Variants in PCDHGA1 observed in about 807,000 individuals in gnomAD.
PCDHGA1 encodes the protein protocadherin gamma-A1.
Under a neutral mutation model 58.0 loss-of-function variants are expected in PCDHGA1, and 32 were observed. That is an observed-to-expected ratio of 0.55 (90% CI 0.42 to 0.74). The LOEUF (loss-of-function observed/expected upper bound fraction) is 0.74. Ranked by LOEUF, PCDHGA1 falls within the 30% of genes least tolerant of loss-of-function variation. The probability of loss-of-function intolerance (pLI) is 0.00; values close to 1 mark genes in which losing one functional copy is unlikely to be tolerated. For synonymous variants in PCDHGA1, 498 were observed against 501.1 expected (o/e 0.99, Z 0.08); for missense variants, 1,205 against 1,182.3 (o/e 1.02, Z -0.28).
chr5:141,404,291 G>C, intron 1 of PCDHGA1: 1 of 1,613,956 alleles, frequency 6.2e-7, no homozygotes, highest in Non-Finnish European at 8.5e-7. Context: ...TGACATCAAT[G>C]ATAATCCACC....
chr5:141,374,683 G>A (rs757439486), intron 1 of PCDHGA1: 3 of 1,609,586 alleles, frequency 1.9e-6, no homozygotes, highest in South Asian at 2.2e-5. Flanking sequence ...AGGGCACACT[G>A]GACCGGGAAG....
intron 1 of PCDHGA1, chr5:141,392,725 A>G: frequency 7.1e-7 from 1 of 1,399,540 alleles, no homozygotes; most frequent in South Asian, 1.6e-5. Flanking sequence ...TTTCCGGAGG[A>G]TTGTCATCTC....
At chr5:141,353,477 C>T (rs1759289576) in intron 1 of PCDHGA1, among the ~76,000 whole-genome samples, 1 of 152,138 alleles carries the variant, frequency 6.6e-6, no homozygotes, top group African/African-American at 2.4e-5. Context: ...ATTATTAAGA[C>T]TCTTAACACT....
At chr5:141,408,401 C>T in intron 1 of PCDHGA1, 2 of 1,614,010 alleles carry the variant, frequency 1.2e-6, no homozygotes, top group Non-Finnish European at 8.5e-7. Context: ...TCGCAAGCTG[C>T]GAGTGAGCGC....
rs1437409726 is a variant in PCDHGA1, at chr5:141,471,036, C to T, written c.2422-23771C>T. Among the ~76,000 whole-genome samples the T allele has an allele frequency of 2.8e-5, 4 of 144,908 alleles. No homozygotes were observed. The South Asian group carries it at 6.5e-4, about 24-fold the overall frequency. ...CTGGTCAATCATTTTTATTAACAAG[C>T]CCAAGCCCTCTTTTTTTTTTTTTTT... On this transcript the variant is annotated intron_variant, in intron 1 of 3. Transcript: ENST00000517417.
At position 141,432,724 on chromosome 5, in the gene PCDHGA1, C is replaced by T. The variant is rs752394602; in HGVS notation, c.2422-62083C>T. ...AGGACCACGGCCAGCCCCCTCTCTCCGCCACTGTCACGCTCACCGTGGCCG... is the reference window on the plus strand; with the variant it reads ...AGGACCACGGCCAGCCCCCTCTCTCTGCCACTGTCACGCTCACCGTGGCCG... On this transcript the variant is annotated intron_variant, in intron 1 of 3. Coordinates refer to ENST00000517417, the MANE Select transcript of PCDHGA1 (RefSeq NM_018912.3). The surrounding 1 kb of genome is among the most constrained non-coding windows in gnomAD (Gnocchi z 6.0). The T allele has an allele frequency of 8.1e-6, 13 of 1,614,066 alleles. No individual in the cohort carries two copies. Among genetic ancestry groups the T allele is most frequent in the Middle Eastern group, 1.6e-4 (1 of 6,062 alleles).
chr5:141,493,962 T>C lies in PCDHGA1; in HGVS notation c.2422-845T>C, dbSNP rs550317675. 6.6e-6 allele frequency among the ~76,000 whole-genome samples: 1 copy of C among 152,320 alleles called. No homozygotes were observed. Among genetic ancestry groups the C allele is most frequent in the African/African-American group, 2.4e-5 (1 of 41,578 alleles). ...AGAAGGGACTCAGGAATGAAGTGGC[T>C]GGCCAGAGCCCCACACCTTCAGCTA... is the stretch of plus-strand genomic sequence containing the variant. On this transcript the variant is annotated intron_variant, in intron 1 of 3. Coordinates refer to ENST00000517417, the MANE Select transcript of PCDHGA1 (RefSeq NM_018912.3). This position sits in a 1 kb window ranked among gnomAD's most constrained non-coding sequence, Gnocchi z 4.3.
At chr5:141,422,219 C>T in intron 1 of PCDHGA1, 1 of 1,564,678 alleles carries the variant, frequency 6.4e-7, no homozygotes, top group Non-Finnish European at 8.6e-7. Context: ...CTCTTTACCA[C>T]CACGACGATG....
chr5:141,489,794 T>TA lies in PCDHGA1; in HGVS notation c.2422-5009dup. The TA allele has an allele frequency of 1.2e-6, 2 of 1,614,120 alleles. No homozygotes were observed. The highest frequency in any genetic ancestry group is 2.2e-5 in the South Asian group (2 of 91,076). The stretch of plus-strand genomic sequence containing the variant: ...CACTTCTCTCTGAATGTGAAGACCC[T>TA]AAAAGATGGGAAGCCATTCCCAGAG... On this transcript the variant is annotated intron_variant, in intron 1 of 3. Transcript: ENST00000517417. This position sits in a 1 kb window ranked among gnomAD's most constrained non-coding sequence, Gnocchi z 4.5.
At chr5:141,393,056 C>G in intron 1 of PCDHGA1, 2 of 1,613,606 alleles carry the variant, frequency 1.2e-6, no homozygotes, top group South Asian at 1.1e-5. Context: ...ACCCGCGCAG[C>G]GGCAGCTTGA....
At chr5:141,509,692 C>T (rs755446680) in intron 3 of PCDHGA1, among the ~76,000 whole-genome samples, 8 of 152,126 alleles carry the variant, frequency 5.3e-5, no homozygotes, top group Non-Finnish European at 1.0e-4. Context: ...TACAGTGGGA[C>T]GTTGGACTGG....
intron 1 of PCDHGA1, among the ~76,000 whole-genome samples, chr5:141,492,221 G>C (rs62379206): frequency 0.18 from 27,189 of 152,134 alleles, 2,633 homozygotes; most frequent in Admixed American, 0.28. Context: ...GGGCTCATGC[G>C]TGTCCTCCCT....
At chr5:141,435,214 A>G (rs1314928643) in intron 1 of PCDHGA1, among the ~76,000 whole-genome samples, 2 of 152,176 alleles carry the variant, frequency 1.3e-5, no homozygotes, top group South Asian at 2.1e-4. Context: ...AAGTGAATTT[A>G]CTTTCTTTCA....
chr5:141,398,067 C>T, intron 1 of PCDHGA1: 1 of 1,577,626 alleles, frequency 6.3e-7, no homozygotes, highest in Non-Finnish European at 8.6e-7. Flanking sequence ...ATCTACAATA[C>T]AGAGGTTATT....
intron 1 of PCDHGA1, chr5:141,398,860 G>C: frequency 6.2e-7 from 1 of 1,614,010 alleles, no homozygotes; most frequent in South Asian, 1.1e-5. Flanking sequence ...ATTCAACCGA[G>C]ACGTGTACAG....
intron 1 of PCDHGA1, chr5:141,351,085 C>T (rs760611278): frequency 4.3e-6 from 7 of 1,614,034 alleles, no homozygotes; most frequent in African/African-American, 1.3e-5. Flanking sequence ...CAGAGATCAC[C>T]TATGCCTTCC....
rs373297942 is a variant in PCDHGA1 at position 141,431,494 on chromosome 5, C to G, written c.2422-63313C>G. ...ACAACGCACCAGCGTTTGCTCAGCCCGAGTACCGCGCGAGCGTTCCGGAGA... is the reference window on the plus strand; with the variant it reads ...ACAACGCACCAGCGTTTGCTCAGCCGGAGTACCGCGCGAGCGTTCCGGAGA... On this transcript the variant is annotated intron_variant, in intron 1 of 3. Transcript: ENST00000517417. This position sits in a 1 kb window ranked among gnomAD's most constrained non-coding sequence, Gnocchi z 4.8. 16 of 1,613,838 alleles carry G rather than the reference C, an allele frequency of 9.9e-6. No individual in the cohort carries two copies. The highest frequency in any genetic ancestry group is 1.4e-5 in the Non-Finnish European group (16 of 1,180,030).
chr5:141,477,427 C>T lies in PCDHGA1; in HGVS notation c.2422-17380C>T. On this transcript the variant is annotated intron_variant, in intron 1 of 3. Coordinates refer to ENST00000517417, the MANE Select transcript of PCDHGA1 (RefSeq NM_018912.3). The surrounding 1 kb of genome is among the most constrained non-coding windows in gnomAD (Gnocchi z 4.9). ...CCCGAGACGCCGGAACCCCTTCCCT[C>T]TCAGCCCTTACAATAGTGCGTGTTC... The T allele has an allele frequency of 6.2e-7, 1 of 1,614,220 alleles. No homozygotes were observed. The highest frequency in any genetic ancestry group is 8.5e-7 in the Non-Finnish European group (1 of 1,180,046).
At chr5:141,500,223 T>G (rs1034982746) in intron 2 of PCDHGA1, among the ~76,000 whole-genome samples, 16 of 145,318 alleles carry the variant, frequency 1.1e-4, no homozygotes, top group African/African-American at 3.4e-4. Context: ...TTTATTTATT[T>G]ATTGATACGT....
Sources: allele counts gnomAD v4.1 joint callset (sites outside exome capture counted in the v4.1 genomes callset), GRCh38; gene constraint gnomAD v4.1.1; non-coding constraint Gnocchi (gnomAD v3.1); transcripts MANE v1.5; gene names NCBI Gene and HGNC (gene_info 2026-07-23, HGNC 2026-07-21).